LCT: variants seen among roughly 807,000 people sequenced by gnomAD.
LCT encodes lactase.
Under a neutral mutation model 173.0 loss-of-function variants are expected in LCT, and 90 were observed. The ratio of observed to expected loss-of-function variants is 0.52; its 90% CI spans 0.44 to 0.62. LCT has a LOEUF of 0.62. LCT is among the 20% of genes least tolerant of loss of function. LCT has a pLI of 0.00. For synonymous variants in LCT, 853 were observed against 957.6 expected (o/e 0.89, Z 2.02); for missense variants, 1,864 against 2,431.4 (o/e 0.77, Z 4.91).
Position 135,800,674 on chromosome 2 carries a change from C to T in LCT, c.4799G>A (p.Ser1600Asn). ...QGGVISITIS[S>N]DWAEPRDPSN... ...GGGATCTCTGGGTTCAGCCCAGTCA[C>T]TGCTGATGGTGATGGAAATCACGCC... Residue 1600 changes from serine to asparagine, a missense_variant, in exon 12 of 17, where the codon AGT (serine) becomes AAT (asparagine). Coordinates refer to ENST00000264162, the MANE Select transcript of LCT (RefSeq NM_002299.4). 1 of 1,613,624 alleles carries T rather than the reference C, an allele frequency of 6.2e-7. No homozygotes were observed. Among genetic ancestry groups the T allele is most frequent in the Non-Finnish European group, 8.5e-7 (1 of 1,180,018 alleles).
chr2:135,833,150 C>T lies in LCT; in HGVS notation c.681G>A (p.Pro227=), dbSNP rs954087452. 9 of 1,613,838 alleles carry T rather than the reference C, an allele frequency of 5.6e-6. No individual in the cohort carries two copies. Among genetic ancestry groups the T allele is most frequent in the Admixed American group, 1.7e-5 (1 of 59,972 alleles). ...ATATGGGTGGTTCTAGCAGGAGCTCCGGGATATCTTCAGCTCGCAGGACAA... is the reference window on the plus strand; with the variant it reads ...ATATGGGTGGTTCTAGCAGGAGCTCTGGGATATCTTCAGCTCGCAGGACAA... ...LSVVLRAEDI[P]ELLLEPPISA... is the part of the protein sequence containing the mutation. The change falls in exon 2 of 17, where the codon CCG becomes CCA. Residue 227 remains proline (P), a synonymous_variant. Coordinates refer to ENST00000264162, the MANE Select transcript of LCT (RefSeq NM_002299.4).
chr2:135,809,903 A>C lies in LCT; in HGVS notation c.2444T>G (p.Phe815Cys), dbSNP rs1207742583. The C allele has an allele frequency of 3.1e-6, 5 of 1,614,128 alleles. No homozygotes were observed. The highest frequency in any genetic ancestry group is 4.2e-6 in the Non-Finnish European group (5 of 1,180,050). The change falls in exon 8 of 17, where the codon TTT becomes TGT. Residue 815 changes from phenylalanine (F) to cysteine (C), a missense_variant. This residue lies in a region of LCT where 755 missense variants were observed against 926.3 expected (regional missense o/e 0.82). Transcript: ENST00000264162. The surrounding 1 kb of genome is among the most constrained non-coding windows in gnomAD (Gnocchi z 5.5). ...GCTGAAGTTGACGTGGTGCAGGCCA[A>C]ACCGCTGGCTGTAACCAGAAGGGCC... ...FEGPSGYSQR[F>C]GLHHVNFSDS... is the part of the protein sequence containing the mutation.
chr2:135,794,506 G>C (rs544630625), intron 14 of LCT, 135 bp downstream of exon 14: 2 of 919,588 alleles, frequency 2.2e-6, no homozygotes, highest in Non-Finnish European at 3.5e-6. Context: ...GTGGGGTGGC[G>C]AGCATCTTGC....
chr2:135,793,967 A>T (rs2164212), intron 14 of LCT, among the ~76,000 whole-genome samples: 26,818 of 98,216 alleles, frequency 0.27, 2,705 homozygotes, highest in Middle Eastern at 0.45. Context: ...TCTCTGCTAA[A>T]ATACAAAAAA....
Position 135,818,018 on chromosome 2 carries a change from G to T in LCT, c.1030C>A (p.Gln344Lys), listed in dbSNP as rs755450521. Reference protein sequence around the residue: ...LTGSLALQPDQQQDHETTDSS... With the variant: ...LTGSLALQPDKQQDHETTDSS... ...TCCGTGGTCTCGTGGTCCTGCTGCT[G>T]GTCAGGCTGAAGGGCCAGGCTGCCA... The change falls in exon 6 of 17, where the codon CAG becomes AAG. Residue 344 changes from glutamine (Q) to lysine (K), a missense_variant. This residue lies in a region of LCT where 412 missense variants were observed against 462.0 expected (regional missense o/e 0.89). Transcript: ENST00000264162. 1.2e-6 allele frequency: 2 copies of T among 1,613,420 alleles called. No homozygotes were observed. Among genetic ancestry groups the T allele is most frequent in the Non-Finnish European group, 1.7e-6 (2 of 1,179,978 alleles).
intron 7 of LCT, chr2:135,810,284 C>T: frequency 6.2e-6 from 2 of 322,376 alleles, no homozygotes; most frequent in Non-Finnish European, 1.1e-5. Flanking sequence ...CCAGCGAGGA[C>T]TGTTTTTCAA....
At position 135,790,561 on chromosome 2, in the gene LCT, C is replaced by G; in HGVS notation, c.5335+97G>C. The stretch of plus-strand genomic sequence containing the variant: ...GAGCAAGAAGGCTTATCGTTCTCTT[C>G]TTACTGTGGCCCAAGGACGCTGTAT... On this transcript the variant is annotated intron_variant, in intron 15 of 16. Transcript: ENST00000264162. This position sits in a 1 kb window ranked among gnomAD's most constrained non-coding sequence, Gnocchi z 4.1. 1 of 795,524 alleles carries G rather than the reference C, an allele frequency of 1.3e-6. No homozygotes were observed. Among genetic ancestry groups the G allele is most frequent in the Non-Finnish European group, 2.2e-6 (1 of 463,910 alleles). 49.3% of individuals were successfully genotyped at this position (795,524 alleles called of 1,614,324 possible). A position where few individuals can be genotyped will look rare whatever the true frequency, so the allele number is the denominator to read the frequency against.
At chr2:135,834,342 C>T (rs1575351414) in intron 1 of LCT, among the ~76,000 whole-genome samples, 1 of 151,816 alleles carries the variant, frequency 6.6e-6, no homozygotes, top group South Asian at 2.1e-4. Context: ...CGTGCTACCA[C>T]GCCTCGCTAA....
chr2:135,823,812 C>T, intron 4 of LCT, 89 bp downstream of exon 4: 2 of 870,264 alleles, frequency 2.3e-6, no homozygotes, highest in Non-Finnish European at 3.9e-6. Context: ...GCTCCTCCTC[C>T]CATTGGAACC....
chr2:135,802,752 A>T (rs2077637020), intron 11 of LCT, among the ~76,000 whole-genome samples: 1 of 152,174 alleles, frequency 6.6e-6, no homozygotes, highest in South Asian at 2.1e-4. Context: ...GTTAACGGAT[A>T]CAAAGTTAAG....
At chr2:135,827,320 C>T (rs1257997186) in intron 3 of LCT, among the ~76,000 whole-genome samples, 1 of 152,132 alleles carries the variant, frequency 6.6e-6, no homozygotes, top group Non-Finnish European at 1.5e-5. Context: ...AGCCCTAGTT[C>T]AAATCCCAAC....
In LCT at chr2:135,808,619, G is replaced by C; in HGVS notation, c.3728C>G (p.Thr1243Arg). 1 of 1,614,210 alleles carries C rather than the reference G, an allele frequency of 6.2e-7. No homozygotes were observed. Among genetic ancestry groups the C allele is most frequent in the Non-Finnish European group, 8.5e-7 (1 of 1,180,034 alleles). Residue 1243 changes from threonine (T) to arginine (R), a missense_variant, in exon 8 of 17, where the codon ACG (threonine) becomes AGG (arginine). Transcript: ENST00000264162. ...AEEEDPSWPS[T>R]AMNRAAPWGT... is the part of the protein sequence containing the mutation. ...CCAGGGCGCAGCTCTGTTCATTGCC[G>C]TGGAAGGCCACGAAGGGTCCTCCTC...
Position 135,808,510 on chromosome 2 carries a change from G to C in LCT, c.3837C>G (p.Thr1279=). The C allele has an allele frequency of 6.2e-7, 1 of 1,614,156 alleles. No individual in the cohort carries two copies. The highest frequency in any genetic ancestry group is 8.5e-7 in the Non-Finnish European group (1 of 1,180,030). ...IYITENGVGL[T]NPNTEDTDRI... is the part of the protein sequence containing the mutation. ...TATCAGTATCCTCCGTGTTCGGATT[G>C]GTCAGCCCCACTCCGTTTTCGGTGA... is the stretch of plus-strand genomic sequence containing the variant. Residue 1279 remains threonine, a synonymous_variant, in exon 8 of 17, where the codon ACC becomes ACG. Coordinates refer to ENST00000264162, the MANE Select transcript of LCT (RefSeq NM_002299.4).
chr2:135,836,699 G>A lies in LCT; in HGVS notation c.471C>T (p.Phe157=), dbSNP rs201744785. ...CTAGGTCCCCGAAGGAGTGGAAGGC[G>A]AATGTGGCATAGTCGGCGAAGAGGT... is the stretch of plus-strand genomic sequence containing the variant. The part of the protein sequence containing the change: ...FADLFADYAT[F]AFHSFGDLVG... The change falls in exon 1 of 17, where the codon TTC becomes TTT. Residue 157 remains phenylalanine (F), a synonymous_variant. Transcript: ENST00000264162. 4.3e-6 allele frequency: 7 copies of A among 1,614,080 alleles called. No homozygotes were observed. Among genetic ancestry groups the A allele is most frequent in the Admixed American group, 3.3e-5 (2 of 60,004 alleles).
At chr2:135,810,214 G>T in intron 7 of LCT, 1 of 536,018 alleles carries the variant, frequency 1.9e-6, no homozygotes, top group Non-Finnish European at 3.3e-6. Flanking sequence ...AAGGGTATTA[G>T]AAGCTGTTTG....
rs747055517 is a variant in LCT, at chr2:135,809,527, C to A, written c.2820G>T (p.Gly940=). The change falls in exon 8 of 17, where the codon GGG becomes GGT. Residue 940 remains glycine, a synonymous_variant. Coordinates refer to ENST00000264162, the MANE Select transcript of LCT (RefSeq NM_002299.4). The surrounding 1 kb of genome is among the most constrained non-coding windows in gnomAD (Gnocchi z 5.5). ...SIWDNFTHTP[G]SNVKDNATGD... is the part of the protein sequence containing the mutation. ...CAGTGGCATTGTCTTTCACATTGCTCCCTGGTGTGTGGGTAAAGTTATCCC... is the reference window on the plus strand; with the variant it reads ...CAGTGGCATTGTCTTTCACATTGCTACCTGGTGTGTGGGTAAAGTTATCCC... 6.2e-7 allele frequency: 1 copy of A among 1,614,222 alleles called. No homozygotes were observed. The highest frequency in any genetic ancestry group is 8.5e-7 in the Non-Finnish European group (1 of 1,180,040).
chr2:135,833,579 TG>T (rs2077958297), intron 1 of LCT, among the ~76,000 whole-genome samples: 1 of 150,760 alleles, frequency 6.6e-6, no homozygotes, highest in Non-Finnish European at 1.5e-5. Context: ...CCCGAGTAGC[TG>T]GGACTACAGG....
chr2:135,788,291 G>T lies in LCT; in HGVS notation c.*33C>A. On this transcript the variant is annotated 3_prime_UTR_variant, in exon 17 of 17. Transcript: ENST00000264162. ...CCGGTAAACATAGATGAAGAAACTAGGCCTGCTTCATAGAACTTGAGGTGG... is the reference window on the plus strand; with the variant it reads ...CCGGTAAACATAGATGAAGAAACTATGCCTGCTTCATAGAACTTGAGGTGG... The T allele has an allele frequency of 6.7e-7, 1 of 1,483,694 alleles. No homozygotes were observed. Among genetic ancestry groups the T allele is most frequent in the Non-Finnish European group, 9.4e-7 (1 of 1,065,806 alleles). 91.9% of individuals were successfully genotyped at this position (1,483,694 alleles called of 1,614,324 possible).
intron 10 of LCT, 96 bp from the exon 11 acceptor site, chr2:135,804,224 A>G: frequency 1.0e-6 from 1 of 972,468 alleles, no homozygotes; most frequent in Non-Finnish European, 1.6e-6. Flanking sequence ...GCAAATCCTG[A>G]GAGTGACTTA....
Sources: allele counts gnomAD v4.1 joint callset (sites outside exome capture counted in the v4.1 genomes callset), GRCh38; gene constraint gnomAD v4.1.1; regional missense constraint gnomAD v4.1.1; non-coding constraint Gnocchi (gnomAD v3.1); transcripts MANE v1.5; gene names NCBI Gene and HGNC (gene_info 2026-07-23, HGNC 2026-07-21).